DENND10: variants seen among roughly 807,000 people sequenced by gnomAD.
DENND10 encodes the protein DENN domain containing 10, also known as DENN domain-containing protein 10.
In DENND10, 24 loss-of-function variants were observed where a neutral mutation model predicts 43.6. The observed-to-expected ratio is 0.55, with a 90% CI of 0.40 to 0.77. DENND10 has a LOEUF of 0.77. DENND10 is among the 30% of genes least tolerant of loss of function. The pLI, the probability that DENND10 is intolerant of heterozygous loss-of-function variation, is 0.00. For synonymous variants in DENND10, 125 were observed against 157.6 expected, an observed-to-expected ratio of 0.79 and a Z score of 1.55; for missense variants, 303 against 429.9, an observed-to-expected ratio of 0.70 and a Z score of 2.61.
chr10:119,108,243 G>A (rs1433920835), intron 2 of DENND10, 79 bp downstream of exon 2: 9 of 981,918 alleles, frequency 9.2e-6, no homozygotes, highest in Non-Finnish European at 1.4e-5. Flanking sequence ...CCAGCACTTT[G>A]GGAGGCTGAG....
intron 4 of DENND10, among the ~76,000 whole-genome samples, chr10:119,119,630 G>T (rs756284154): frequency 8.1e-4 from 123 of 152,082 alleles, no homozygotes; most frequent in Non-Finnish European, 1.1e-3. Context: ...GCCCAGGCTG[G>T]TCTCAAACTC....
intron 5 of DENND10, among the ~76,000 whole-genome samples, chr10:119,121,391 C>T (rs980855839): frequency 3.3e-5 from 5 of 150,138 alleles, no homozygotes; most frequent in African/African-American, 1.2e-4. Flanking sequence ...AGTGATTCTC[C>T]TGCCTCCGTT....
At chr10:119,128,920 C>G (rs1845955659) in intron 6 of DENND10, among the ~76,000 whole-genome samples, 1 of 152,246 alleles carries the variant, frequency 6.6e-6, no homozygotes, top group South Asian at 2.1e-4. Flanking sequence ...CACCTCCGAC[C>G]CGGCCCCACC....
chr10:119,108,128 A>T lies in DENND10; in HGVS notation c.216A>T (p.Thr72=), dbSNP rs752972804. The T allele has an allele frequency of 5.0e-6, 8 of 1,613,726 alleles. No homozygotes were observed. Among genetic ancestry groups the T allele is most frequent in the Non-Finnish European group, 6.8e-6 (8 of 1,179,754 alleles). ...GQYRRTWFYI[T]TIEVPDSSIL... is the part of the protein sequence containing the mutation. ...ACAGAAGAACATGGTTTTATATCACAACAATTGAAGTTCCAGATTCTTCCA... is the reference window on the plus strand; with the variant it reads ...ACAGAAGAACATGGTTTTATATCACTACAATTGAAGTTCCAGATTCTTCCA... The change falls in exon 2 of 9, where the codon ACA becomes ACT. Residue 72 remains threonine, a synonymous_variant. Transcript: ENST00000361432.
intron 3 of DENND10, among the ~76,000 whole-genome samples, chr10:119,115,766 T>C (rs1320113134): frequency 6.9e-6 from 1 of 143,906 alleles, no homozygotes; most frequent in Non-Finnish European, 1.5e-5. Context: ...CAAGTGATCT[T>C]TTTTTTTTTT....
chr10:119,121,456 T>C (rs578157763), intron 5 of DENND10, among the ~76,000 whole-genome samples: 1 of 148,156 alleles, frequency 6.7e-6, no homozygotes, highest in South Asian at 2.2e-4. Flanking sequence ...TTTTTTTTTT[T>C]TTTTTTTTTT....
chr10:119,112,659 A>C (rs1282098504), intron 3 of DENND10, among the ~76,000 whole-genome samples: 3 of 151,338 alleles, frequency 2.0e-5, no homozygotes, highest in Non-Finnish European at 4.4e-5. Context: ...ATGCCTAGCC[A>C]ATTTTTTATA....
Position 119,132,624 on chromosome 10 carries a change from T to C in DENND10, c.897+15T>C. 1 of 1,603,040 alleles carries C rather than the reference T, an allele frequency of 6.2e-7. No individual in the cohort carries two copies. Among genetic ancestry groups the C allele is most frequent in the Admixed American group, 1.7e-5 (1 of 60,008 alleles). On this transcript the variant is annotated intron_variant, in intron 8 of 8. Transcript: ENST00000361432. This position sits in a 1 kb window ranked among gnomAD's most constrained non-coding sequence, Gnocchi z 4.2. The stretch of plus-strand genomic sequence containing the variant: ...ACGTTATACAGGTAACTCCCTCACC[T>C]TCTGACTTACTGAAAGTCCTGACCC...
At chr10:119,120,104 C>T (rs1164557119) in intron 4 of DENND10, among the ~76,000 whole-genome samples, 1 of 100,706 alleles carries the variant, frequency 9.9e-6, no homozygotes, top group African/African-American at 3.3e-5. Context: ...AAATATTAGC[C>T]AGGTGTGGTG....
At chr10:119,108,316 C>T in intron 2 of DENND10, 152 bp downstream of exon 2, 1 of 647,880 alleles carries the variant, frequency 1.5e-6, no homozygotes, top group Non-Finnish European at 2.7e-6. Context: ...AACCCCATCT[C>T]TACTAAAAAC....
Position 119,125,501 on chromosome 10 carries a change from CTTT to C in DENND10, c.694+1954_694+1956del, listed in dbSNP as rs34630434. Among the ~76,000 whole-genome samples the C allele has an allele frequency of 2.7e-3, 177 of 65,860 alleles. 3 individuals are homozygous for C. The highest frequency in any genetic ancestry group is 8.3e-3 in the African/African-American group (165 of 19,892). The allele number at this position is 65,860 out of a possible 152,430, so 43.2% of individuals were successfully genotyped here. A position where few individuals can be genotyped will look rare whatever the true frequency, so the allele number is the denominator to read the frequency against. On this transcript the variant is annotated intron_variant, in intron 6 of 8. Coordinates refer to ENST00000361432, the MANE Select transcript of DENND10 (RefSeq NM_207009.4). ...ACATTGTGATTCCACTTCTAGTTTT[CTTT>C]TTTTTTTTTTTTTTTTTTTTTGAGT...
chr10:119,112,947 T>A (rs2133469013), intron 3 of DENND10, among the ~76,000 whole-genome samples: 1 of 152,112 alleles, frequency 6.6e-6, no homozygotes, highest in African/African-American at 2.4e-5. Context: ...CCTCCTGGGT[T>A]CAAGCGATTC....
Position 119,104,200 on chromosome 10 carries a change from G to A in DENND10, c.55+3G>A. 1.3e-6 allele frequency: 2 copies of A among 1,516,904 alleles called. No homozygotes were observed. Among genetic ancestry groups the A allele is most frequent in the Non-Finnish European group, 1.8e-6 (2 of 1,133,774 alleles). 94.0% of individuals were successfully genotyped at this position (1,516,904 alleles called of 1,614,324 possible). ...GATGCTTGGAGTCGGGCTGATCGGT[G>A]AGGACGTAGGCGCCCTGCCTGGAAG... is the stretch of plus-strand genomic sequence containing the variant. On this transcript the variant is annotated splice_donor_region_variant and intron_variant, in intron 1 of 8. Coordinates refer to ENST00000361432, the MANE Select transcript of DENND10 (RefSeq NM_207009.4).
rs529405895 is a variant in DENND10 at position 119,107,890 on chromosome 10, A to G, written c.56-78A>G. On this transcript the variant is annotated intron_variant, in intron 1 of 8. Coordinates refer to ENST00000361432, the MANE Select transcript of DENND10 (RefSeq NM_207009.4). ...ATGGGATGTTAAAACTGATTCCACTAAGTGTTTCTGAGTAACCAATCAATT... is the reference window on the plus strand; with the variant it reads ...ATGGGATGTTAAAACTGATTCCACTGAGTGTTTCTGAGTAACCAATCAATT... The G allele has an allele frequency of 2.7e-5, 35 of 1,310,258 alleles. No homozygotes were observed. The African/African-American group carries it at 4.6e-4, about 17-fold the overall frequency. 81.2% of individuals were successfully genotyped at this position (1,310,258 alleles called of 1,614,324 possible).
At position 119,137,908 on chromosome 10, in the gene DENND10, ATAT is replaced by A. The variant is rs1443138887; in HGVS notation, c.*1264_*1266del. On this transcript the variant is annotated 3_prime_UTR_variant, in exon 9 of 9. Coordinates refer to ENST00000361432, the MANE Select transcript of DENND10 (RefSeq NM_207009.4). Reference sequence around the variant, plus strand: ...TTTTTTCTCATTTTTTTGTATTACTATATTAGCTAATGATCAAAGTTGTTAAAA... The same window carrying A: ...TTTTTTCTCATTTTTTTGTATTACTATAGCTAATGATCAAAGTTGTTAAAA... 1 of 166,844 alleles carries A rather than the reference ATAT, an allele frequency of 6.0e-6. No homozygotes were observed. Among genetic ancestry groups the A allele is most frequent in the African/African-American group, 2.4e-5 (1 of 41,326 alleles). 10.3% of individuals were successfully genotyped at this position (166,844 alleles called of 1,614,324 possible).
At chr10:119,111,621 A>AT (rs1348536068) in intron 2 of DENND10, among the ~76,000 whole-genome samples, 2 of 151,906 alleles carry the variant, frequency 1.3e-5, no homozygotes, top group East Asian at 1.9e-4. Context: ...ATTTCTGAAA[A>AT]TTTTTTCTCT....
intron 8 of DENND10, chr10:119,135,161 C>G (rs532835814): frequency 1.2e-3 from 37 of 30,314 alleles, no homozygotes; most frequent in African/African-American, 4.7e-3. Flanking sequence ...GCAAAACTGT[C>G]TCAAAAAAAA....
In DENND10 at chr10:119,137,563, C is replaced by G. The variant is rs1405379679; in HGVS notation, c.*916C>G. 1.8e-5 allele frequency: 3 copies of G among 165,726 alleles called. No homozygotes were observed. Among genetic ancestry groups the G allele is most frequent in the Non-Finnish European group, 4.4e-5 (3 of 67,894 alleles). The allele number at this position is 165,726 out of a possible 1,614,324, so 10.3% of individuals were successfully genotyped here. On this transcript the variant is annotated 3_prime_UTR_variant, in exon 9 of 9. Transcript: ENST00000361432. Reference sequence around the variant, plus strand: ...CCAATTGTTTGTACTATTTATGTACCTTTTTCATAACTGGAATTGCCAAAT... The same window carrying G: ...CCAATTGTTTGTACTATTTATGTACGTTTTTCATAACTGGAATTGCCAAAT...
At chr10:119,126,247 C>A (rs543947531) in intron 6 of DENND10, among the ~76,000 whole-genome samples, 7 of 151,974 alleles carry the variant, frequency 4.6e-5, no homozygotes, top group Non-Finnish European at 7.4e-5. Flanking sequence ...GGTTGTGAAC[C>A]GTGCTGCAGT....
Sources: allele counts gnomAD v4.1 joint callset (sites outside exome capture counted in the v4.1 genomes callset), GRCh38; gene constraint gnomAD v4.1.1; non-coding constraint Gnocchi (gnomAD v3.1); transcripts MANE v1.5; gene names NCBI Gene and HGNC (gene_info 2026-07-23, HGNC 2026-07-21).